Variants in HMG20A observed in about 807,000 individuals in gnomAD.
HMG20A encodes the protein high mobility group protein 20A.
In HMG20A, 17 loss-of-function variants were observed where a neutral mutation model predicts 43.9. That is an observed-to-expected ratio of 0.39 (90% confidence interval 0.27 to 0.58). The LOEUF is 0.58. Among genes scored for constraint, HMG20A ranks in the 20% least tolerant of loss-of-function variants. HMG20A has a pLI of 0.59. For missense variants in HMG20A, 341 were observed against 438.2 expected (o/e 0.78, Z 1.98); for synonymous variants, 132 against 147.5 (o/e 0.89, Z 0.76).
intron 1 of HMG20A, among the ~76,000 whole-genome samples, chr15:77,436,968 C>T (rs919166624): frequency 1.3e-5 from 2 of 152,296 alleles, no homozygotes; most frequent in African/African-American, 2.4e-5. Flanking sequence ...TTGCTTTCCT[C>T]TCTGGCTCAT....
chr15:77,453,099 A>G (rs1194401135), intron 1 of HMG20A, among the ~76,000 whole-genome samples: 1 of 152,142 alleles, frequency 6.6e-6, no homozygotes, highest in African/African-American at 2.4e-5. Context: ...ATGGTGGTGC[A>G]TACCTGTAAT....
At chr15:77,505,286 T>C in the HMG20A span, among the ~76,000 whole-genome samples, 1 of 152,216 alleles carries the variant, frequency 6.6e-6, no homozygotes, top group African/African-American at 2.4e-5. Flanking sequence ...GATTTCCAGG[T>C]TCGAGGTAAA....
At chr15:77,426,455 A>G (rs918488511) in intron 1 of HMG20A, among the ~76,000 whole-genome samples, 1 of 152,218 alleles carries the variant, frequency 6.6e-6, no homozygotes, top group African/African-American at 2.4e-5. Context: ...AATGATAAGG[A>G]AGAAAAAATA....
At chr15:77,456,951 A>G (rs1220362700) in intron 1 of HMG20A, among the ~76,000 whole-genome samples, 1 of 152,190 alleles carries the variant, frequency 6.6e-6, no homozygotes, top group Non-Finnish European at 1.5e-5. Flanking sequence ...AAGGAACTGA[A>G]AAGAGGTTGC....
chr15:77,487,312 T>G (rs995592658), downstream of HMG20A, among the ~76,000 whole-genome samples: 86 of 152,324 alleles, frequency 5.6e-4, no homozygotes, highest in African/African-American at 2.0e-3. Context: ...AGAAAATGAA[T>G]ATAGAGTAGG....
chr15:77,498,276 T>G, the HMG20A span, among the ~76,000 whole-genome samples: 1 of 152,146 alleles, frequency 6.6e-6, no homozygotes, highest in African/African-American at 2.4e-5. Flanking sequence ...ATTTTTCTCT[T>G]TGGAAGCATT....
chr15:77,509,770 G>A, the HMG20A span, among the ~76,000 whole-genome samples: 2 of 151,824 alleles, frequency 1.3e-5, no homozygotes, highest in Non-Finnish European at 2.9e-5. Context: ...AGCCAGGCAT[G>A]GTGGTGCATG....
chr15:77,493,181 G>A, the HMG20A span, among the ~76,000 whole-genome samples: 1 of 152,164 alleles, frequency 6.6e-6, no homozygotes, highest in African/African-American at 2.4e-5. Flanking sequence ...ATGTGATGTT[G>A]CCATGTGGTA....
At position 77,478,488 on chromosome 15, in the gene HMG20A, C is replaced by G. The variant is rs766425499; in HGVS notation, c.885C>G (p.Ser295Arg). 2 of 1,610,792 alleles carry G rather than the reference C, an allele frequency of 1.2e-6. No individual in the cohort carries two copies. Among genetic ancestry groups the G allele is most frequent in the Non-Finnish European group, 1.7e-6 (2 of 1,179,980 alleles). The change falls in exon 8 of 10, where the codon AGC (serine) becomes AGG (arginine). Residue 295 changes from serine (S) to arginine (R), a missense_variant. Physicochemically the swap from Ser to Arg is moderately radical, Grantham distance 110. This residue lies in a region of HMG20A where 118 missense variants were observed against 154.5 expected (regional missense o/e 0.76). Transcript: ENST00000336216. ...LETLRQVLTS[S>R]FASMPLPGSG... ...CCCTGCGGCAGGTGCTGACCAGCAG[C>G]TTTGCCAGCATGCCCTTGCCTGGTA...
At chr15:77,458,093 T>C in intron 1 of HMG20A, 1 of 227,330 alleles carries the variant, frequency 4.4e-6, no homozygotes, top group Non-Finnish European at 8.7e-6. Flanking sequence ...GTTACCCTGC[T>C]TAACAATTTC....
intron 2 of HMG20A, among the ~76,000 whole-genome samples, 180 bp from the exon 3 acceptor site, chr15:77,464,060 T>A (rs1490165268): frequency 6.6e-6 from 1 of 152,256 alleles, no homozygotes; most frequent in African/African-American, 2.4e-5. Context: ...AATCAAGCAC[T>A]GAAACCAGTT....
At position 77,439,073 on chromosome 15, in the gene HMG20A, G is replaced by A. The variant is rs113338351; in HGVS notation, c.-5+18069G>A. Among the ~76,000 whole-genome samples, 1,299 of 152,104 alleles carry A rather than the reference G, an allele frequency of 8.5e-3. 19 individuals are homozygous for A. The highest frequency in any genetic ancestry group is 0.03 in the African/African-American group (1,236 of 41,484). ...CTCCCAAAGTGCTGGGATTACAGGC[G>A]TGAGTCACCACGCCCGTCCGTAGGT... On this transcript the variant is annotated intron_variant, in intron 1 of 9. Coordinates refer to ENST00000336216, the MANE Select transcript of HMG20A (RefSeq NM_001304504.2).
At chr15:77,428,798 C>G (rs2073452827) in intron 1 of HMG20A, among the ~76,000 whole-genome samples, 1 of 151,872 alleles carries the variant, frequency 6.6e-6, no homozygotes, top group Non-Finnish European at 1.5e-5. Context: ...GATGCTGTCT[C>G]TACAAAAAAA....
intron 1 of HMG20A, among the ~76,000 whole-genome samples, chr15:77,434,284 T>C (rs1328537471): frequency 2.0e-5 from 3 of 152,096 alleles, no homozygotes; most frequent in Admixed American, 2.0e-4. Context: ...AAAACACCTT[T>C]ATGATCTTGG....
chr15:77,444,944 G>A (rs1218586448), intron 1 of HMG20A, among the ~76,000 whole-genome samples: 4 of 151,984 alleles, frequency 2.6e-5, no homozygotes, highest in Admixed American at 1.3e-4. Context: ...AAAGTTTTCT[G>A]TCTTCAGCTT....
the HMG20A span, among the ~76,000 whole-genome samples, chr15:77,512,557 AT>A: frequency 6.6e-6 from 1 of 152,206 alleles, no homozygotes; most frequent in African/African-American, 2.4e-5. Flanking sequence ...ACAAGTAAGT[AT>A]ATGAATAAAA....
At chr15:77,447,003 A>G (rs1280791005) in intron 1 of HMG20A, among the ~76,000 whole-genome samples, 1 of 152,128 alleles carries the variant, frequency 6.6e-6, no homozygotes, top group African/African-American at 2.4e-5. Flanking sequence ...AGCATTCCCC[A>G]TCCCAGCTTA....
At chr15:77,464,780 C>G (rs1267303013) in intron 3 of HMG20A, 1 of 159,280 alleles carries the variant, frequency 6.3e-6, no homozygotes, top group Admixed American at 6.1e-5. Flanking sequence ...CCAAATCTTT[C>G]ACCCTCCCAT....
intron 1 of HMG20A, among the ~76,000 whole-genome samples, chr15:77,423,500 T>A (rs1368161161): frequency 2.6e-5 from 4 of 152,224 alleles, no homozygotes; most frequent in Non-Finnish European, 4.4e-5. Context: ...GAATTTGAGA[T>A]TTCATTCCAT....
Sources: allele counts gnomAD v4.1 joint callset (sites outside exome capture counted in the v4.1 genomes callset), GRCh38; gene constraint gnomAD v4.1.1; regional missense constraint gnomAD v4.1.1; transcripts MANE v1.5; gene names NCBI Gene and HGNC (gene_info 2026-07-23, HGNC 2026-07-21).